Variants in FOXP1 observed in about 807,000 individuals in gnomAD.
FOXP1 encodes the protein forkhead box P1, also known as forkhead box protein P1.
In FOXP1, 15 loss-of-function variants were observed where a neutral mutation model predicts 98.2. The ratio of observed to expected loss-of-function variants is 0.15; its 90% CI spans 0.10 to 0.24. FOXP1 has a LOEUF of 0.24. FOXP1 is among the 10% of genes least tolerant of loss of function. The pLI is 1.00. For missense variants in FOXP1, 633 were observed against 848.5 expected, an observed-to-expected ratio of 0.75 and a Z score of 3.15; for synonymous variants, 371 against 314.5, an observed-to-expected ratio of 1.18 and a Z score of -1.90.
intron 3 of FOXP1, among the ~76,000 whole-genome samples, chr3:71,377,170 T>C (rs988815178): frequency 6.6e-6 from 1 of 152,164 alleles, no homozygotes; most frequent in Non-Finnish European, 1.5e-5. Context: ...AATTCTGTCA[T>C]ACATGTGAAC....
chr3:71,340,909 G>A (rs921442585), intron 4 of FOXP1, among the ~76,000 whole-genome samples: 2 of 152,116 alleles, frequency 1.3e-5, no homozygotes, highest in Non-Finnish European at 2.9e-5. Context: ...CATAAGAAGA[G>A]TTTTCTTTTG....
At chr3:70,999,724 G>C (rs2041872931) in intron 13 of FOXP1, among the ~76,000 whole-genome samples, 1 of 151,966 alleles carries the variant, frequency 6.6e-6, no homozygotes, top group Admixed American at 6.6e-5. Flanking sequence ...ACAACAAAAA[G>C]TTTAAGTGTA....
chr3:71,322,636 G>A (rs941949297), intron 4 of FOXP1, among the ~76,000 whole-genome samples: 3 of 152,194 alleles, frequency 2.0e-5, no homozygotes, highest in African/African-American at 4.8e-5. Flanking sequence ...GGCATTCGGA[G>A]CTCCAGGAGG....
At chr3:71,296,914 T>C (rs1233114278) in intron 5 of FOXP1, among the ~76,000 whole-genome samples, 3 of 152,212 alleles carry the variant, frequency 2.0e-5, no homozygotes, top group Admixed American at 2.0e-4. Flanking sequence ...GACATGCCTG[T>C]TCCAAACCCC....
At position 71,453,905 on chromosome 3, in the gene FOXP1, G is replaced by A. The variant is rs573284466; in HGVS notation, c.-168+39521C>T. 6.6e-5 allele frequency among the ~76,000 whole-genome samples: 10 copies of A among 152,220 alleles called. 1 individual carries two copies. Among genetic ancestry groups the A allele is most frequent in the African/African-American group, 2.4e-4 (10 of 41,538 alleles). Reference sequence around the variant, plus strand: ...TTTATGCAAAGAGTATCTTACAAACGCATTATGAACCAGACATCTGTGTCT... The same window carrying A: ...TTTATGCAAAGAGTATCTTACAAACACATTATGAACCAGACATCTGTGTCT... On this transcript the variant is annotated intron_variant, in intron 3 of 20. Coordinates refer to ENST00000649528, the MANE Select transcript of FOXP1 (RefSeq NM_001349338.3).
chr3:71,032,501 TGAG>T (rs1325869323), intron 11 of FOXP1, among the ~76,000 whole-genome samples: 2 of 152,200 alleles, frequency 1.3e-5, no homozygotes, highest in Non-Finnish European at 2.9e-5. Flanking sequence ...ATTGTTTTAA[TGAG>T]GAGAATATAG....
chr3:71,305,112 G>C (rs1377244722), intron 4 of FOXP1, among the ~76,000 whole-genome samples: 1 of 152,122 alleles, frequency 6.6e-6, no homozygotes, highest in African/African-American at 2.4e-5. Flanking sequence ...ATTTCTCTGA[G>C]TCTGTTTTTA....
At chr3:71,417,502 C>A (rs549403573) in intron 3 of FOXP1, among the ~76,000 whole-genome samples, 8 of 152,228 alleles carry the variant, frequency 5.3e-5, no homozygotes, top group Non-Finnish European at 1.0e-4. Flanking sequence ...AAATAATAGA[C>A]CATCCACACA....
intron 6 of FOXP1, among the ~76,000 whole-genome samples, chr3:71,182,417 A>T (rs1457043671): frequency 2.0e-5 from 3 of 152,304 alleles, no homozygotes; most frequent in Admixed American, 6.5e-5. Context: ...GAATTAAATT[A>T]AAAATAACTG....
intron 4 of FOXP1, among the ~76,000 whole-genome samples, chr3:71,350,468 A>G (rs1354627026): frequency 6.6e-6 from 1 of 152,150 alleles, no homozygotes; most frequent in Non-Finnish European, 1.5e-5. Context: ...TTGCACATGT[A>G]AGTATGTTAA....
chr3:71,580,018 T>G (rs2048034193), intron 2 of FOXP1, among the ~76,000 whole-genome samples: 1 of 152,098 alleles, frequency 6.6e-6, no homozygotes, highest in African/African-American at 2.4e-5. Flanking sequence ...TCTGCATAAG[T>G]GAACATATAG....
chr3:71,526,992 C>T (rs2043441358), intron 2 of FOXP1, among the ~76,000 whole-genome samples: 1 of 151,906 alleles, frequency 6.6e-6, no homozygotes, highest in African/African-American at 2.4e-5. Context: ...AAAAAGTTCC[C>T]CTCTGCAGGG....
At chr3:71,041,257 G>C in intron 11 of FOXP1, 71 bp downstream of exon 11, 1 of 1,205,180 alleles carries the variant, frequency 8.3e-7, no homozygotes, top group Admixed American at 1.7e-5. Context: ...ACTGAGATAT[G>C]ACGAGGCAGG....
At chr3:71,471,292 TTA>T (rs765599255) in intron 3 of FOXP1, among the ~76,000 whole-genome samples, 1 of 151,338 alleles carries the variant, frequency 6.6e-6, no homozygotes, top group Non-Finnish European at 1.5e-5. Flanking sequence ...TTTATGTTTA[TTA>T]TATGTTATAG....
intron 2 of FOXP1, among the ~76,000 whole-genome samples, chr3:71,580,557 C>T (rs1305482049): frequency 6.6e-6 from 1 of 152,072 alleles, no homozygotes; most frequent in African/African-American, 2.4e-5. Flanking sequence ...AGCAGGAACT[C>T]CTCTTTCTCA....
At chr3:71,411,522 C>T (rs2082743346) in intron 3 of FOXP1, among the ~76,000 whole-genome samples, 1 of 152,138 alleles carries the variant, frequency 6.6e-6, no homozygotes, top group South Asian at 2.1e-4. Context: ...CAGGGTTTCA[C>T]CGTGTTAGCC....
intron 3 of FOXP1, among the ~76,000 whole-genome samples, chr3:71,418,527 G>C (rs1227307130): frequency 6.6e-6 from 1 of 152,178 alleles, no homozygotes; most frequent in South Asian, 2.1e-4. Flanking sequence ...TTCAATGCTG[G>C]TTCTTTTTTC....
intron 2 of FOXP1, chr3:71,581,077 A>G (rs2048124485): frequency 1.0e-6 from 1 of 960,656 alleles, no homozygotes; most frequent in African/African-American, 1.8e-5. Context: ...GTGGGGAGGT[A>G]GGGAAGAGGA....
At chr3:71,380,536 ATGT>A (rs1304450557) in intron 3 of FOXP1, among the ~76,000 whole-genome samples, 2 of 152,224 alleles carry the variant, frequency 1.3e-5, no homozygotes, top group Non-Finnish European at 2.9e-5. Flanking sequence ...TCTGATGGAA[ATGT>A]TGTTTCTAAA....
Sources: gnomAD v4.1 joint callset for allele counts (sites outside exome capture counted in the v4.1 genomes callset) on GRCh38, gnomAD v4.1.1 for gene constraint, MANE v1.5 for transcripts, NCBI Gene and HGNC (gene_info 2026-07-23, HGNC 2026-07-21) for gene names.